Variants in BCAT1 observed in about 807,000 individuals in gnomAD.
BCAT1 encodes branched chain amino acid transaminase 1.
Under a neutral mutation model 52.4 loss-of-function variants are expected in BCAT1, and 48 were observed. The observed-to-expected ratio is 0.92, with a 90% CI of 0.73 to 1.16. The LOEUF (loss-of-function observed/expected upper bound fraction) is 1.16. BCAT1 is among the 50% of genes most tolerant of loss of function. The probability of loss-of-function intolerance (pLI) is 0.00; values close to 1 mark genes in which losing one functional copy is unlikely to be tolerated. For synonymous variants in BCAT1, 167 were observed against 161.3 expected (o/e 1.04, Z -0.27); for missense variants, 451 against 457.1 (o/e 0.99, Z 0.12).
At chr12:24,910,842 C>T (rs113603857) in intron 1 of BCAT1, among the ~76,000 whole-genome samples, 37 of 152,250 alleles carry the variant, frequency 2.4e-4, no homozygotes, top group African/African-American at 8.4e-4. Flanking sequence ...CAGTGGCACA[C>T]GCCTGTAATC....
At chr12:24,923,146 A>G (rs1279359151) in intron 1 of BCAT1, among the ~76,000 whole-genome samples, 4 of 152,210 alleles carry the variant, frequency 2.6e-5, no homozygotes, top group Admixed American at 2.6e-4. Flanking sequence ...AGAAGGAAGC[A>G]GATGTTCAGC....
At chr12:24,922,061 T>C (rs925633503) in intron 1 of BCAT1, among the ~76,000 whole-genome samples, 27 of 152,228 alleles carry the variant, frequency 1.8e-4, no homozygotes, top group Non-Finnish European at 2.9e-5. Flanking sequence ...AACCTGTTGT[T>C]CCCATCAAAT....
intron 6 of BCAT1, among the ~76,000 whole-genome samples, chr12:24,843,990 C>A (rs1337653692): frequency 2.0e-5 from 3 of 152,036 alleles, no homozygotes; most frequent in Non-Finnish European, 2.9e-5. Flanking sequence ...AGTGGGAGAG[C>A]CCTAGGCCAA....
At chr12:24,854,505 G>T (rs1591809834) in intron 5 of BCAT1, among the ~76,000 whole-genome samples, 1 of 152,104 alleles carries the variant, frequency 6.6e-6, no homozygotes, top group Non-Finnish European at 1.5e-5. Flanking sequence ...GGACTAAGGG[G>T]TGCTTCAAGG....
At chr12:24,912,066 T>C (rs1943336029) in intron 1 of BCAT1, among the ~76,000 whole-genome samples, 1 of 152,180 alleles carries the variant, frequency 6.6e-6, no homozygotes, top group Admixed American at 6.5e-5. Context: ...GGTTAACCTA[T>C]GCTGAGGAAA....
Position 24,898,520 on chromosome 12 carries a change from CTT to C in BCAT1, c.78+3292_78+3293del, listed in dbSNP as rs71448094. ...TGTTTCAGCCAGGGTTCAGTCAACA[CTT>C]TTTTTTTTTTTTTTTTTTTTTTTTG... On this transcript the variant is annotated intron_variant, in intron 2 of 10. Transcript: ENST00000261192. Among the ~76,000 whole-genome samples the C allele has an allele frequency of 1.9e-3, 74 of 38,524 alleles. 1 individual carries two copies. In the South Asian group the frequency reaches 0.09, roughly 47 times the overall value. The allele number at this position is 38,524 out of a possible 152,430, so 25.3% of individuals were successfully genotyped here. A position where few individuals can be genotyped will look rare whatever the true frequency, so the allele number is the denominator to read the frequency against.
chr12:24,827,784 T>G (rs1940472356), intron 10 of BCAT1, among the ~76,000 whole-genome samples: 1 of 152,128 alleles, frequency 6.6e-6, no homozygotes, highest in Non-Finnish European at 1.5e-5. Flanking sequence ...AGAGTAAGAC[T>G]CTGTCTCAAA....
At chr12:24,910,732 G>T (rs1943309750) in intron 1 of BCAT1, among the ~76,000 whole-genome samples, 2 of 152,136 alleles carry the variant, frequency 1.3e-5, no homozygotes, top group Admixed American at 6.5e-5. Flanking sequence ...GATCAAAATT[G>T]TGTCACCCAC....
intron 7 of BCAT1, 95 bp downstream of exon 7, chr12:24,841,987 C>T (rs1565457496): frequency 2.9e-6 from 4 of 1,379,828 alleles, no homozygotes; most frequent in East Asian, 2.3e-5. Flanking sequence ...TGGAACTGTG[C>T]TACTTACTCC....
intron 2 of BCAT1, among the ~76,000 whole-genome samples, chr12:24,898,527 T>TTTTTTTTTTC (rs1943014246): frequency 8.1e-6 from 1 of 124,198 alleles, no homozygotes; most frequent in Non-Finnish European, 1.7e-5. Flanking sequence ...ACACTTTTTT[T>TTTTTTTTTTC]TTTTTTTTTT....
At chr12:24,885,546 A>C (rs1280973574) in intron 3 of BCAT1, among the ~76,000 whole-genome samples, 1 of 152,260 alleles carries the variant, frequency 6.6e-6, no homozygotes, top group East Asian at 1.9e-4. Flanking sequence ...ACAAAAGTTT[A>C]TCGACTTGAT....
intron 8 of BCAT1, among the ~76,000 whole-genome samples, chr12:24,834,968 TA>T (rs1940854704): frequency 6.6e-6 from 1 of 152,240 alleles, no homozygotes; most frequent in Non-Finnish European, 1.5e-5. Flanking sequence ...AAATAGCTTT[TA>T]AAATAAATTA....
intron 1 of BCAT1, among the ~76,000 whole-genome samples, chr12:24,914,549 G>C (rs575157423): frequency 6.6e-6 from 1 of 152,274 alleles, no homozygotes; most frequent in South Asian, 2.1e-4. Flanking sequence ...GCATTTCCAT[G>C]AAAACAAAAG....
In BCAT1 at chr12:24,849,857, T is replaced by G; in HGVS notation, c.603A>C (p.Pro201=). 1 of 1,613,826 alleles carries G rather than the reference T, an allele frequency of 6.2e-7. No individual in the cohort carries two copies. The highest frequency in any genetic ancestry group is 8.5e-7 in the Non-Finnish European group (1 of 1,179,778). The change falls in exon 6 of 11, where the codon CCA becomes CCC. Residue 201 remains proline, a synonymous_variant. Coordinates refer to ENST00000261192, the MANE Select transcript of BCAT1 (RefSeq NM_005504.7). ...ACTTGGGATTGGCCCACAGGGACACTGGATTAAAGGTTCCACTTGAAAAAT... is the reference window on the plus strand; with the variant it reads ...ACTTGGGATTGGCCCACAGGGACACGGGATTAAAGGTTCCACTTGAAAAAT... The part of the protein sequence containing the change: ...GPYFSSGTFN[P]VSLWANPKYV...
intron 1 of BCAT1, among the ~76,000 whole-genome samples, chr12:24,914,270 A>G (rs1943373014): frequency 6.6e-6 from 1 of 151,978 alleles, no homozygotes; most frequent in Non-Finnish European, 1.5e-5. Context: ...TTTGGTAGAG[A>G]CAGGGTTTCA....
chr12:24,855,306 TAA>T (rs777009658), intron 5 of BCAT1, among the ~76,000 whole-genome samples: 32 of 108,248 alleles, frequency 3.0e-4, no homozygotes, highest in African/African-American at 9.2e-4. Context: ...CAGGAGCAGT[TAA>T]AAAAAAAAAA....
chr12:24,837,487 C>T (rs1393722112), intron 7 of BCAT1, among the ~76,000 whole-genome samples: 1 of 148,798 alleles, frequency 6.7e-6, no homozygotes, highest in African/African-American at 2.5e-5. Context: ...AGTGCAGTGG[C>T]ACCATCTCAG....
intron 3 of BCAT1, among the ~76,000 whole-genome samples, chr12:24,889,013 G>A (rs773546158): frequency 6.6e-6 from 1 of 152,100 alleles, no homozygotes; most frequent in African/African-American, 2.4e-5. Flanking sequence ...CAGACTTCCC[G>A]GTGTGCTATG....
In BCAT1 at chr12:24,898,520, C is replaced by CTTTTTTTTTTTTTTTTTTTTTTTTT. The variant is rs71448094; in HGVS notation, c.78+3269_78+3293dup. The stretch of plus-strand genomic sequence containing the variant: ...TGTTTCAGCCAGGGTTCAGTCAACA[C>CTTTTTTTTTTTTTTTTTTTTTTTTT]TTTTTTTTTTTTTTTTTTTTTTTTT... On this transcript the variant is annotated intron_variant, in intron 2 of 10. Coordinates refer to ENST00000261192, the MANE Select transcript of BCAT1 (RefSeq NM_005504.7). Among the ~76,000 whole-genome samples, 9 of 38,530 alleles carry CTTTTTTTTTTTTTTTTTTTTTTTTT rather than the reference C, an allele frequency of 2.3e-4. 3 individuals are homozygous for CTTTTTTTTTTTTTTTTTTTTTTTTT. The highest frequency in any genetic ancestry group is 5.0e-4 in the Admixed American group (1 of 1,982). 25.3% of individuals were successfully genotyped at this position (38,530 alleles called of 152,430 possible). A position where few individuals can be genotyped will look rare whatever the true frequency, so the allele number is the denominator to read the frequency against.
Sources: gnomAD v4.1 joint callset for allele counts (sites outside exome capture counted in the v4.1 genomes callset) on GRCh38, gnomAD v4.1.1 for gene constraint, MANE v1.5 for transcripts, NCBI Gene and HGNC (gene_info 2026-07-23, HGNC 2026-07-21) for gene names.